The following FGF14 variants were observed in gnomAD, a reference collection of about 807,000 sequenced individuals.
The protein encoded by FGF14 is fibroblast growth factor homologous factor 4.
FGF14 carries 5 observed loss-of-function variants against 25.5 expected under a neutral mutation model. That is an observed-to-expected ratio of 0.20 (90% CI 0.10 to 0.41). FGF14 has a LOEUF of 0.41. Among genes scored for constraint, FGF14 ranks in the 10% least tolerant of loss-of-function variants. The pLI is 1.00. For synonymous variants in FGF14, 138 were observed against 118.3 expected (o/e 1.17, Z -1.08); for missense variants, 222 against 320.1 (o/e 0.69, Z 2.34).
chr13:102,222,446 T>C (rs2050654878), intron 1 of FGF14, among the ~76,000 whole-genome samples: 1 of 152,150 alleles, frequency 6.6e-6, no homozygotes, highest in Admixed American at 6.5e-5. Flanking sequence ...CAGCCTTATA[T>C]CAAATTAAGA....
intron 1 of FGF14, among the ~76,000 whole-genome samples, chr13:102,235,763 A>C (rs2051299939): frequency 6.6e-6 from 1 of 152,222 alleles, no homozygotes; most frequent in South Asian, 2.1e-4. Flanking sequence ...CACTGAAACC[A>C]GAGTGACTCT....
At chr13:102,063,888 A>T (rs2042792605) in intron 1 of FGF14, among the ~76,000 whole-genome samples, 1 of 152,206 alleles carries the variant, frequency 6.6e-6, no homozygotes. Context: ...CTGACATGTC[A>T]TGCGATGAAC....
At chr13:101,892,636 T>C (rs2029922920) in intron 1 of FGF14, among the ~76,000 whole-genome samples, 2 of 152,092 alleles carry the variant, frequency 1.3e-5, no homozygotes, top group Admixed American at 1.3e-4. Flanking sequence ...CATCCTAAAA[T>C]CTCCAGGAAC....
At chr13:101,975,808 C>G (rs1039441003) in intron 1 of FGF14, among the ~76,000 whole-genome samples, 1 of 152,122 alleles carries the variant, frequency 6.6e-6, no homozygotes, top group Non-Finnish European at 1.5e-5. Context: ...TTCATAAAGC[C>G]CTTGACCCTT....
At chr13:101,882,010 A>G (rs2045736168) in intron 1 of FGF14, among the ~76,000 whole-genome samples, 1 of 152,160 alleles carries the variant, frequency 6.6e-6, no homozygotes, top group Non-Finnish European at 1.5e-5. Flanking sequence ...CTTAAATGCT[A>G]TTGTCATCTA....
intron 3 of FGF14, among the ~76,000 whole-genome samples, chr13:101,853,816 TA>T (rs1217880169): frequency 3.3e-5 from 5 of 151,878 alleles, no homozygotes; most frequent in East Asian, 1.9e-4. Context: ...CTTTGGGGAA[TA>T]AAAAAAATTA....
chr13:101,816,133 G>A (rs1005787661), intron 3 of FGF14, among the ~76,000 whole-genome samples: 4 of 151,458 alleles, frequency 2.6e-5, no homozygotes, highest in Non-Finnish European at 4.4e-5. Context: ...AGCCGGGCGT[G>A]TTGGCGGGCG....
At chr13:102,107,648 T>C (rs937695725) in intron 1 of FGF14, among the ~76,000 whole-genome samples, 1 of 152,198 alleles carries the variant, frequency 6.6e-6, no homozygotes, top group African/African-American at 2.4e-5. Flanking sequence ...GTCATGTGTG[T>C]TTGCATGTAG....
chr13:102,062,019 GA>G (rs2042709756), intron 1 of FGF14, among the ~76,000 whole-genome samples: 1 of 151,808 alleles, frequency 6.6e-6, no homozygotes, highest in South Asian at 2.1e-4. Flanking sequence ...GAGATACAAT[GA>G]AAAAAACATT....
chr13:102,236,111 A>G (rs984724207), intron 1 of FGF14, among the ~76,000 whole-genome samples: 31 of 152,150 alleles, frequency 2.0e-4, no homozygotes, highest in African/African-American at 7.2e-4. Flanking sequence ...CTTATACGTA[A>G]ACAAGCTTCA....
intron 1 of FGF14, among the ~76,000 whole-genome samples, chr13:101,897,567 A>G (rs2030884778): frequency 6.6e-6 from 1 of 152,156 alleles, no homozygotes; most frequent in African/African-American, 2.4e-5. Flanking sequence ...TCTCTTGTGA[A>G]CTTTAAGAGC....
chr13:101,966,733 G>A (rs1457981423), intron 1 of FGF14, among the ~76,000 whole-genome samples: 4 of 151,978 alleles, frequency 2.6e-5, no homozygotes, highest in South Asian at 2.1e-4. Flanking sequence ...CACCCACCTC[G>A]GCCTCCCTAA....
intron 1 of FGF14, among the ~76,000 whole-genome samples, chr13:102,088,543 A>T (rs1223607185): frequency 6.6e-6 from 1 of 152,144 alleles, no homozygotes; most frequent in Non-Finnish European, 1.5e-5. Flanking sequence ...AAAATACCAC[A>T]TTTTCAAGCT....
chr13:102,158,094 AT>A (rs542961198), intron 1 of FGF14, among the ~76,000 whole-genome samples: 204 of 152,320 alleles, frequency 1.3e-3, no homozygotes, highest in African/African-American at 4.7e-3. Context: ...TAGTTCAACC[AT>A]TGTGGAAGTC....
intron 3 of FGF14, among the ~76,000 whole-genome samples, chr13:101,792,806 T>C (rs1389988396): frequency 6.6e-6 from 1 of 152,114 alleles, no homozygotes; most frequent in Non-Finnish European, 1.5e-5. Flanking sequence ...CTATAGTCCT[T>C]GATGGAACAA....
At chr13:102,352,850 C>T (rs1417670316) in intron 1 of FGF14, among the ~76,000 whole-genome samples, 1 of 151,606 alleles carries the variant, frequency 6.6e-6, no homozygotes, top group Non-Finnish European at 1.5e-5. Context: ...ATATAGTTAG[C>T]CAGAAAACAA....
chr13:102,255,968 G>A (rs766285614), intron 1 of FGF14, among the ~76,000 whole-genome samples: 7 of 152,014 alleles, frequency 4.6e-5, no homozygotes, highest in Non-Finnish European at 7.4e-5. Flanking sequence ...GTGGAGAAAC[G>A]GGTTTTAGAA....
At chr13:101,816,269 C>CAAAAAAAAAAAAAAAAAAAAA (rs58615099) in intron 3 of FGF14, among the ~76,000 whole-genome samples, 23 of 89,044 alleles carry the variant, frequency 2.6e-4, no homozygotes, top group African/African-American at 1.1e-3. Context: ...GACTCCGTCT[C>CAAAAAAAAAAAAAAAAAAAAA]AAAAAAAAAA....
intron 1 of FGF14, among the ~76,000 whole-genome samples, chr13:102,316,168 G>A (rs1173367814): frequency 6.6e-6 from 1 of 152,178 alleles, no homozygotes; most frequent in Non-Finnish European, 1.5e-5. Flanking sequence ...GATAAGCTTT[G>A]TGACTGGAGA....
Sources: gnomAD v4.1 joint callset for allele counts (sites outside exome capture counted in the v4.1 genomes callset) on GRCh38, gnomAD v4.1.1 for gene constraint, MANE v1.5 for transcripts, NCBI Gene and HGNC (gene_info 2026-07-23, HGNC 2026-07-21) for gene names.